The following ACVR1 variants were observed in gnomAD, a reference collection of about 807,000 sequenced individuals.
ACVR1 encodes the protein activin receptor type-1.
Under a neutral mutation model 57.1 loss-of-function variants are expected in ACVR1, and 38 were observed. The ratio of observed to expected loss-of-function variants is 0.67; its 90% CI spans 0.51 to 0.87. ACVR1 has a LOEUF of 0.87. Ranked by LOEUF, ACVR1 falls within the 40% of genes least tolerant of loss-of-function variation. The pLI is 0.00. For synonymous variants in ACVR1, 212 were observed against 228.1 expected, an observed-to-expected ratio of 0.93 and a Z score of 0.63; for missense variants, 463 against 638.2, an observed-to-expected ratio of 0.73 and a Z score of 2.96.
At chr2:157,778,438 A>G (rs1686378874) in intron 4 of ACVR1, 96 bp from the exon 5 acceptor site, 1 of 1,022,610 alleles carries the variant, frequency 9.8e-7, no homozygotes, top group Non-Finnish European at 1.5e-6. Context: ...CCTGATCCTG[A>G]CCACACAGTC....
intron 3 of ACVR1, among the ~76,000 whole-genome samples, chr2:157,792,442 T>C (rs1352045054): frequency 1.3e-5 from 2 of 152,130 alleles, no homozygotes; most frequent in African/African-American, 4.8e-5. Flanking sequence ...AATCACTGAC[T>C]TAAAGAGAAA....
chr2:157,744,116 A>G (rs1378457879), intron 9 of ACVR1, among the ~76,000 whole-genome samples: 1 of 152,244 alleles, frequency 6.6e-6, no homozygotes, highest in Admixed American at 6.5e-5. Flanking sequence ...CTCATGCCAC[A>G]GTGTGCCTAC....
chr2:157,866,924 G>T (rs1558857637), intron 1 of ACVR1, among the ~76,000 whole-genome samples: 1 of 152,108 alleles, frequency 6.6e-6, no homozygotes, highest in Non-Finnish European at 1.5e-5. Flanking sequence ...TCTCCCCCAG[G>T]ACATTCTCAT....
At chr2:157,767,664 T>C (rs1363721922) in intron 7 of ACVR1, among the ~76,000 whole-genome samples, 1 of 152,194 alleles carries the variant, frequency 6.6e-6, no homozygotes, top group Admixed American at 6.5e-5. Context: ...CACTTTCACA[T>C]ATATTTTCTC....
At chr2:157,819,663 A>G (rs930633556) in intron 1 of ACVR1, among the ~76,000 whole-genome samples, 3 of 152,124 alleles carry the variant, frequency 2.0e-5, no homozygotes, top group African/African-American at 7.2e-5. Context: ...TCAAGCAACA[A>G]TTCTCTGGCA....
intron 1 of ACVR1, among the ~76,000 whole-genome samples, chr2:157,842,337 C>T (rs144832696): frequency 1.7e-4 from 26 of 152,316 alleles, no homozygotes; most frequent in South Asian, 6.2e-4. Context: ...GTACAGAGTA[C>T]AGAAAGCGTT....
At chr2:157,782,990 G>A (rs1314255179) in intron 3 of ACVR1, among the ~76,000 whole-genome samples, 5 of 152,232 alleles carry the variant, frequency 3.3e-5, no homozygotes, top group South Asian at 4.1e-4. Flanking sequence ...TTCATGGACT[G>A]ACAATGAATT....
chr2:157,813,740 G>C (rs916225062), intron 2 of ACVR1, among the ~76,000 whole-genome samples: 7 of 152,208 alleles, frequency 4.6e-5, no homozygotes, highest in African/African-American at 1.7e-4. Flanking sequence ...ACTGTTAAGT[G>C]AAGAAAAAAT....
At chr2:157,843,441 T>C (rs1559089806) in intron 1 of ACVR1, among the ~76,000 whole-genome samples, 1 of 152,070 alleles carries the variant, frequency 6.6e-6, no homozygotes, top group Non-Finnish European at 1.5e-5. Context: ...TTTGCATCCA[T>C]ATTACCACAC....
At chr2:157,833,419 A>T (rs1688655754) in intron 1 of ACVR1, among the ~76,000 whole-genome samples, 1 of 152,222 alleles carries the variant, frequency 6.6e-6, no homozygotes, top group Admixed American at 6.5e-5. Flanking sequence ...TCTGGTGGAA[A>T]TGGAGGATGG....
At position 157,744,199 on chromosome 2, in the gene ACVR1, A is replaced by G. The variant is rs1025517337; in HGVS notation, c.1265-5629T>C. The stretch of plus-strand genomic sequence containing the variant: ...TCAGATATCCAGGTAATGAGGACAG[A>G]GTCTCTGGCATGTATATCCATACAA... On this transcript the variant is annotated intron_variant, in intron 9 of 10. Coordinates refer to ENST00000434821, the MANE Select transcript of ACVR1 (RefSeq NM_001111067.4). Among the ~76,000 whole-genome samples the G allele has an allele frequency of 4.1e-4, 63 of 152,348 alleles. 1 individual carries two copies. Among genetic ancestry groups the G allele is most frequent in the African/African-American group, 4.3e-4 (18 of 41,574 alleles).
intron 9 of ACVR1, among the ~76,000 whole-genome samples, chr2:157,758,606 G>A (rs192658716): frequency 5.3e-5 from 8 of 152,082 alleles, no homozygotes; most frequent in Admixed American, 4.6e-4. Flanking sequence ...ATAACAGTTG[G>A]GGACTTCAAC....
intron 5 of ACVR1, among the ~76,000 whole-genome samples, chr2:157,777,701 C>A (rs1479036960): frequency 6.6e-6 from 1 of 152,082 alleles, no homozygotes. Flanking sequence ...AGTTTTTAAG[C>A]CTTAAATTAC....
chr2:157,770,551 G>C, intron 6 of ACVR1, 37 bp from the exon 7 acceptor site: 6 of 1,612,934 alleles, frequency 3.7e-6, no homozygotes, highest in Non-Finnish European at 5.1e-6. Flanking sequence ...CAGAACAGTA[G>C]TCATTTTGGA....
At position 157,814,549 on chromosome 2, in the gene ACVR1, C is replaced by G. The variant is rs186257439; in HGVS notation, c.-8+3836G>C. On this transcript the variant is annotated intron_variant, in intron 2 of 10. Coordinates refer to ENST00000434821, the MANE Select transcript of ACVR1 (RefSeq NM_001111067.4). ...TGTTAAATCTAAAATCTGTCAAGGTCTATAAACAGAGCAACTTGGCAATAA... is the reference window on the plus strand; with the variant it reads ...TGTTAAATCTAAAATCTGTCAAGGTGTATAAACAGAGCAACTTGGCAATAA... 7.2e-5 allele frequency among the ~76,000 whole-genome samples: 11 copies of G among 152,286 alleles called. No homozygotes were observed. The East Asian group carries it at 2.1e-3, about 29-fold the overall frequency.
At chr2:157,773,907 A>G (rs76651097) in intron 6 of ACVR1, among the ~76,000 whole-genome samples, 181 bp downstream of exon 6, 2 of 152,174 alleles carry the variant, frequency 1.3e-5, no homozygotes, top group Admixed American at 6.5e-5. Flanking sequence ...GACTCCTTTG[A>G]TAAGAGCTTA....
chr2:157,831,858 G>A (rs1322175534), intron 1 of ACVR1, among the ~76,000 whole-genome samples: 1 of 152,194 alleles, frequency 6.6e-6, no homozygotes, highest in Non-Finnish European at 1.5e-5. Flanking sequence ...AGATAGTGGT[G>A]TCAGTTGAAC....
chr2:157,769,000 G>T (rs186002168), intron 7 of ACVR1, among the ~76,000 whole-genome samples: 1 of 152,140 alleles, frequency 6.6e-6, no homozygotes. Context: ...TAGAGCAGAG[G>T]TACAAAGTCG....
At chr2:157,771,411 T>C (rs1483205671) in intron 6 of ACVR1, among the ~76,000 whole-genome samples, 2 of 152,152 alleles carry the variant, frequency 1.3e-5, no homozygotes, top group African/African-American at 4.8e-5. Context: ...CTTCCATTCT[T>C]CTCTTTAATT....
Sources: gnomAD v4.1 joint callset for allele counts (sites outside exome capture counted in the v4.1 genomes callset) on GRCh38, gnomAD v4.1.1 for gene constraint, MANE v1.5 for transcripts, NCBI Gene and HGNC (gene_info 2026-07-23, HGNC 2026-07-21) for gene names.